TP73: variants seen among roughly 807,000 people sequenced by gnomAD.
The protein encoded by TP73 is p53-like transcription factor.
Under a neutral mutation model 62.5 loss-of-function variants are expected in TP73, and 25 were observed. The ratio of observed to expected loss-of-function variants is 0.40; its 90% CI spans 0.29 to 0.56. TP73 has a LOEUF of 0.56. Ranked by LOEUF, TP73 falls within the 20% of genes least tolerant of loss-of-function variation. The pLI is 0.46. For missense variants in TP73, 754 were observed against 913.3 expected (o/e 0.83, Z 2.25); for synonymous variants, 423 against 377.5 (o/e 1.12, Z -1.40).
rs12738541 is a variant in TP73 at position 3,694,865 on chromosome 1, G to T, written c.186+11685G>T. 7.4e-4 allele frequency among the ~76,000 whole-genome samples: 70 copies of T among 94,796 alleles called. 1 individual carries two copies. Among genetic ancestry groups the T allele is most frequent in the Admixed American group, 1.0e-3 (9 of 8,644 alleles). 62.2% of individuals were successfully genotyped at this position (94,796 alleles called of 152,430 possible). ...CTCCTCCTGCAATCCCAGCCATGCA[G>T]CCTCAGCCCCTCCTCCTGCAATCCC... On this transcript the variant is annotated intron_variant, in intron 3 of 13. Coordinates refer to ENST00000378295, the MANE Select transcript of TP73 (RefSeq NM_005427.4).
At position 3,696,877 on chromosome 1, in the gene TP73, CGCCCGCCTCCG is replaced by C. The variant is rs1638708739; in HGVS notation, c.187-10667_187-10657del. Among the ~76,000 whole-genome samples the C allele has an allele frequency of 1.3e-5, 2 of 152,166 alleles. No individual in the cohort carries two copies. Among genetic ancestry groups the C allele is most frequent in the African/African-American group, 2.4e-5 (1 of 41,428 alleles). ...TCACCCGCCTGCTGTGCCTAGTGCACGCCCGCCTCCGGCCCCCCTGCCACCCTCGGCCAGCT... is the reference window on the plus strand; with the variant it reads ...TCACCCGCCTGCTGTGCCTAGTGCACGCCCCCCTGCCACCCTCGGCCAGCT... On this transcript the variant is annotated intron_variant, in intron 3 of 13. Coordinates refer to ENST00000378295, the MANE Select transcript of TP73 (RefSeq NM_005427.4). The surrounding 1 kb of genome is among the most constrained non-coding windows in gnomAD (Gnocchi z 4.1).
Position 3,684,184 on chromosome 1 carries a change from C to G in TP73, c.186+1004C>G, listed in dbSNP as rs538768238. Among the ~76,000 whole-genome samples the G allele has an allele frequency of 3.9e-5, 6 of 152,230 alleles. No individual in the cohort carries two copies. The South Asian group carries it at 1.2e-3, about 31-fold the overall frequency. Reference sequence around the variant, plus strand: ...AGCGAGGCCAGCCGTCCCCGCTGGACTCGTCAGCTGCTCGGCCCCGCCCAC... The same window carrying G: ...AGCGAGGCCAGCCGTCCCCGCTGGAGTCGTCAGCTGCTCGGCCCCGCCCAC... On this transcript the variant is annotated intron_variant, in intron 3 of 13. Coordinates refer to ENST00000378295, the MANE Select transcript of TP73 (RefSeq NM_005427.4).
chr1:3,702,082 G>T (rs1412972694), intron 3 of TP73, among the ~76,000 whole-genome samples: 21 of 152,200 alleles, frequency 1.4e-4, no homozygotes. Context: ...ACCACTTCCT[G>T]CCCACCTTGT....
At chr1:3,693,266 G>A (rs1235480076) in intron 3 of TP73, among the ~76,000 whole-genome samples, 2 of 152,186 alleles carry the variant, frequency 1.3e-5, no homozygotes, top group Non-Finnish European at 2.9e-5. Context: ...AGTGGTATTT[G>A]GCCCAAAGGG....
chr1:3,697,544 G>A, intron 3 of TP73, among the ~76,000 whole-genome samples: 1 of 152,218 alleles, frequency 6.6e-6, no homozygotes, highest in East Asian at 1.9e-4. Context: ...GTGTTTCTGA[G>A]ACCACTTTTG....
At position 3,707,751 on chromosome 1, in the gene TP73, C is replaced by A. The variant is rs1158679007; in HGVS notation, c.389C>A (p.Thr130Asn). Residue 130 changes from threonine to asparagine, a missense_variant, in exon 4 of 14, where the codon ACT becomes AAT. Physicochemically the swap from Thr to Asn is moderately conservative, Grantham distance 65. Coordinates refer to ENST00000378295, the MANE Select transcript of TP73 (RefSeq NM_005427.4). ...DYPGPHHFEV[T>N]FQQSSTAKSA... ...CCCGGACCCCACCACTTTGAGGTCA[C>A]TTTCCAGCAGTCCAGCACGGCCAAG... The A allele has an allele frequency of 6.2e-7, 1 of 1,613,190 alleles. No individual in the cohort carries two copies.
chr1:3,729,792 C>A (rs574567499), intron 10 of TP73: 127 of 812,168 alleles, frequency 1.6e-4, no homozygotes, highest in Non-Finnish European at 2.1e-5. Context: ...TGCCTCCCGG[C>A]CCCGCCATGG....
At chr1:3,679,897 C>T (rs1195709899) in intron 1 of TP73, among the ~76,000 whole-genome samples, 3 of 151,768 alleles carry the variant, frequency 2.0e-5, no homozygotes, top group Non-Finnish European at 4.4e-5. Context: ...CTCTCCGTCT[C>T]TCTGTCTCTC....
intron 3 of TP73, among the ~76,000 whole-genome samples, chr1:3,700,798 C>A (rs1405723115): frequency 6.6e-6 from 1 of 151,940 alleles, no homozygotes; most frequent in Non-Finnish European, 1.5e-5. Context: ...AAAAAAGTCA[C>A]TTGAGACGGT....
chr1:3,660,522 T>C (rs929180952), intron 1 of TP73, among the ~76,000 whole-genome samples: 5 of 152,218 alleles, frequency 3.3e-5, no homozygotes, highest in African/African-American at 1.2e-4. Context: ...TCTATGGCCG[T>C]AAAAATAAAA....
At chr1:3,711,927 C>T (rs1640186233) in intron 4 of TP73, among the ~76,000 whole-genome samples, 1 of 151,996 alleles carries the variant, frequency 6.6e-6, no homozygotes, top group South Asian at 2.1e-4. Context: ...GGTAGGAAAG[C>T]CCCCCGTCCA....
chr1:3,679,538 T>G (rs1645461109), intron 1 of TP73, among the ~76,000 whole-genome samples: 1 of 145,892 alleles, frequency 6.9e-6, no homozygotes, highest in African/African-American at 2.8e-5. Flanking sequence ...CATCTCTCTG[T>G]CTCTCTTTGT....
Position 3,731,458 on chromosome 1 carries a change from T to C in TP73, c.1485-5T>C, listed in dbSNP as rs776372733. 4 of 1,613,218 alleles carry C rather than the reference T, an allele frequency of 2.5e-6. No homozygotes were observed. The African/African-American group carries it at 4.0e-5, about 16-fold the overall frequency. Reference sequence around the variant, plus strand: ...GCTGCTTCCTTTCTCAAATTCTCTCTGCAGTTTTTTAACAGGATTGGGGTG... The same window carrying C: ...GCTGCTTCCTTTCTCAAATTCTCTCCGCAGTTTTTTAACAGGATTGGGGTG... On this transcript the variant is annotated splice_polypyrimidine_tract_variant and splice_region_variant and intron_variant, in intron 12 of 13. Transcript: ENST00000378295.
At chr1:3,728,920 C>T (rs1365447545) in intron 9 of TP73, among the ~76,000 whole-genome samples, 1 of 152,144 alleles carries the variant, frequency 6.6e-6, no homozygotes, top group East Asian at 1.9e-4. Flanking sequence ...CCCAGGAGTC[C>T]AAGGCTGCAG....
intron 1 of TP73, among the ~76,000 whole-genome samples, chr1:3,654,059 A>G (rs1164680747): frequency 2.0e-5 from 3 of 152,184 alleles, no homozygotes; most frequent in Non-Finnish European, 2.9e-5. Flanking sequence ...CTGTACTCCC[A>G]GCTACTCGGG....
Position 3,672,567 on chromosome 1 carries a change from A to C in TP73, c.-33-9766A>C, listed in dbSNP as rs1645265755. Among the ~76,000 whole-genome samples, 1 of 151,986 alleles carries C rather than the reference A, an allele frequency of 6.6e-6. No homozygotes were observed. The highest frequency in any genetic ancestry group is 1.5e-5 in the Non-Finnish European group (1 of 67,968). ...GACTCAGACACCCACTCTGGCCATA[A>C]GCTCCGCTCTGTCCCAGCCCTGGAC... On this transcript the variant is annotated intron_variant, in intron 1 of 13. Coordinates refer to ENST00000378295, the MANE Select transcript of TP73 (RefSeq NM_005427.4). This position sits in a 1 kb window ranked among gnomAD's most constrained non-coding sequence, Gnocchi z 5.3.
intron 3 of TP73, among the ~76,000 whole-genome samples, chr1:3,687,701 C>A (rs1341944145): frequency 6.6e-6 from 1 of 152,108 alleles, no homozygotes; most frequent in Admixed American, 6.5e-5. Context: ...CTCCCGTCCT[C>A]TCCCCTCCCC....
chr1:3,670,210 G>A lies in TP73; in HGVS notation c.-33-12123G>A, dbSNP rs1184481427. ...AGGCAGGGATGATGATGGGGCCAGG[G>A]GACCACATGGGCACAGGTAAGGCAG... On this transcript the variant is annotated intron_variant, in intron 1 of 13. Transcript: ENST00000378295. This position sits in a 1 kb window ranked among gnomAD's most constrained non-coding sequence, Gnocchi z 5.9. Among the ~76,000 whole-genome samples, 3 of 152,126 alleles carry A rather than the reference G, an allele frequency of 2.0e-5. No homozygotes were observed. The highest frequency in any genetic ancestry group is 7.2e-5 in the African/African-American group (3 of 41,420).
Position 3,690,958 on chromosome 1 carries a change from G to A in TP73, c.186+7778G>A, listed in dbSNP as rs202051052. 61 of 1,573,834 alleles carry A rather than the reference G, an allele frequency of 3.9e-5. No homozygotes were observed. In the East Asian group the frequency reaches 6.6e-4, roughly 17 times the overall value. On this transcript the variant is annotated intron_variant, in intron 3 of 13. Transcript: ENST00000378295. ...CACCTCGCCACGGTAGGTGTGACGC[G>A]CCATTCATAGGATCTCTTCGGGGAC...
Sources: gnomAD v4.1 joint callset for allele counts (sites outside exome capture counted in the v4.1 genomes callset) on GRCh38, gnomAD v4.1.1 for gene constraint, Gnocchi (gnomAD v3.1) non-coding constraint, MANE v1.5 for transcripts, NCBI Gene and HGNC (gene_info 2026-07-23, HGNC 2026-07-21) for gene names.